The following ARRDC1 variants were observed in gnomAD, a reference collection of about 807,000 sequenced individuals.
ARRDC1 encodes arrestin domain containing 1, also known as arrestin domain-containing protein 1.
Under a neutral mutation model 40.1 loss-of-function variants are expected in ARRDC1, and 37 were observed. The observed-to-expected ratio is 0.92, with a 90% CI of 0.71 to 1.21. The LOEUF is 1.21. Ranked by LOEUF, ARRDC1 falls within the 50% of genes most tolerant of loss-of-function variation. The pLI is 0.00. For synonymous variants in ARRDC1, 310 were observed against 262.5 expected, an observed-to-expected ratio of 1.18 and a Z score of -1.75; for missense variants, 641 against 581.9, an observed-to-expected ratio of 1.10 and a Z score of -1.04.
chr9:137,606,666 G>A (rs1842428760), intron 1 of ARRDC1, among the ~76,000 whole-genome samples: 1 of 152,250 alleles, frequency 6.6e-6, no homozygotes, highest in Non-Finnish European at 1.5e-5. Context: ...GTGGGGCCTC[G>A]GAAGAAGCCG....
chr9:137,614,219 G>C lies in ARRDC1; in HGVS notation c.618+5G>C, dbSNP rs768400355. On this transcript the variant is annotated splice_donor_5th_base_variant and intron_variant, in intron 5 of 7. Transcript: ENST00000371421. Reference sequence around the variant, plus strand: ...GTGGTGGCCAGTCTGCTGCAGGTCAGAGCCCCCGCCAGTTGCCTGGACCGG... The same window carrying C: ...GTGGTGGCCAGTCTGCTGCAGGTCACAGCCCCCGCCAGTTGCCTGGACCGG... The C allele has an allele frequency of 1.1e-5, 17 of 1,587,142 alleles. No individual in the cohort carries two copies. In the African/African-American group the frequency reaches 2.0e-4, roughly 19 times the overall value.
chr9:137,611,586 CAAA>C (rs34396298), intron 1 of ARRDC1: 2 of 112,430 alleles, frequency 1.8e-5, no homozygotes, highest in East Asian at 2.3e-4. Context: ...ACAACAACAA[CAAA>C]AAAACAAAAA....
At position 137,613,476 on chromosome 9, in the gene ARRDC1, A is replaced by T; in HGVS notation, c.246A>T (p.Gly82=). The T allele has an allele frequency of 6.2e-7, 1 of 1,612,718 alleles. No homozygotes were observed. Among genetic ancestry groups the T allele is most frequent in the Non-Finnish European group, 8.5e-7 (1 of 1,179,844 alleles). Residue 82 remains glycine (G), a synonymous_variant, in exon 3 of 8, where the codon GGA becomes GGT. Transcript: ENST00000371421. ...TCTCTGCAGGGAGCCTGCCCGCTGG[A>T]GAGCACAGCTTCCCCTTCCAGTTCC... ...SLADKGSLPA[G]EHSFPFQFLL...
At chr9:137,607,654 G>A (rs1319490159) in intron 1 of ARRDC1, among the ~76,000 whole-genome samples, 1 of 152,242 alleles carries the variant, frequency 6.6e-6, no homozygotes, top group East Asian at 1.9e-4. Context: ...TTAACCCTCA[G>A]CGCCCTGGCA....
chr9:137,613,838 G>C, intron 4 of ARRDC1, 69 bp downstream of exon 4: 2 of 1,588,656 alleles, frequency 1.3e-6, no homozygotes. Context: ...AGCTGGGCAG[G>C]CACTGCTTCA....
Position 137,614,788 on chromosome 9 carries a change from G to A in ARRDC1, c.1025G>A (p.Arg342Gln), listed in dbSNP as rs144868252. The A allele has an allele frequency of 4.3e-5, 70 of 1,612,258 alleles. No individual in the cohort carries two copies. In the African/African-American group the frequency reaches 6.3e-4, roughly 14 times the overall value. Residue 342 changes from arginine to glutamine, a missense_variant, in exon 7 of 8, where the codon CGG (arginine) becomes CAG (glutamine). Transcript: ENST00000371421. ...CTCTCCACCAAGAGCCATTCGCAGC[G>A]GCAGCCCCTGCTGGCCACCTTGAGT... The part of the protein sequence containing the change: ...VFLSTKSHSQ[R>Q]QPLLATLSSV...
Position 137,614,578 on chromosome 9 carries a change from A to G in ARRDC1, c.815A>G (p.Glu272Gly), listed in dbSNP as rs149386931. The G allele has an allele frequency of 3.1e-6, 5 of 1,612,868 alleles. No individual in the cohort carries two copies. The African/African-American group carries it at 4.0e-5, about 13-fold the overall frequency. Residue 272 changes from glutamate (E) to glycine (G), a missense_variant, in exon 7 of 8, where the codon GAA (glutamate) becomes GGA (glycine). Coordinates refer to ENST00000371421, the MANE Select transcript of ARRDC1 (RefSeq NM_152285.4). ...GTCCAGGTCTCTCTGAAGGCGCCGG[A>G]AGCTACTGTGACCCTCCCGGTCTTC... The part of the protein sequence containing the change: ...YYLQVSLKAP[E>G]ATVTLPVFIG...
In ARRDC1 at chr9:137,614,027, C is replaced by G. The variant is rs145443838; in HGVS notation, c.436-5C>G. On this transcript the variant is annotated splice_region_variant and splice_polypyrimidine_tract_variant and intron_variant, in intron 4 of 7. Transcript: ENST00000371421. ...GCTAAGCCCCTCCCTGGCCCTCCCC[C>G]CAAGCAACCCAACGTGGCCTCTGCC... 2 of 1,613,406 alleles carry G rather than the reference C, an allele frequency of 1.2e-6. No homozygotes were observed. The highest frequency in any genetic ancestry group is 1.3e-5 in the African/African-American group (1 of 74,922).
At chr9:137,613,267 C>T (rs1564502125) in intron 2 of ARRDC1, 193 bp from the exon 3 acceptor site, 4 of 766,556 alleles carry the variant, frequency 5.2e-6, no homozygotes, top group East Asian at 2.7e-5. Flanking sequence ...AAACCACTCT[C>T]CTGTTCAAGC....
At chr9:137,606,001 G>T (rs904075052) in intron 1 of ARRDC1, among the ~76,000 whole-genome samples, 166 bp downstream of exon 1, 9 of 151,670 alleles carry the variant, frequency 5.9e-5, no homozygotes, top group African/African-American at 2.2e-4. Flanking sequence ...GGTCCGGGCG[G>T]CGCCGCCCTT....
rs1275584326 is a variant in ARRDC1, at chr9:137,614,252, G to C, written c.618+38G>C. The C allele has an allele frequency of 4.4e-6, 7 of 1,577,824 alleles. No individual in the cohort carries two copies. In the Admixed American group the frequency reaches 1.2e-4, roughly 27 times the overall value. Reference sequence around the variant, plus strand: ...GCCAGTTGCCTGGACCGGCCTCCTGGGGTGGGCTGGCAGCCTGCGCAGGCT... The same window carrying C: ...GCCAGTTGCCTGGACCGGCCTCCTGCGGTGGGCTGGCAGCCTGCGCAGGCT... On this transcript the variant is annotated intron_variant, in intron 5 of 7. Transcript: ENST00000371421.
Position 137,614,281 on chromosome 9 carries a change from A to T in ARRDC1, c.619-18A>T. On this transcript the variant is annotated intron_variant, in intron 5 of 7. Coordinates refer to ENST00000371421, the MANE Select transcript of ARRDC1 (RefSeq NM_152285.4). ...GGGCTGGCAGCCTGCGCAGGCTCAC[A>T]GGCTGGTCCTTCCCCAGAAAGTGTC... 6.3e-7 allele frequency: 1 copy of T among 1,581,670 alleles called. No individual in the cohort carries two copies. The highest frequency in any genetic ancestry group is 1.2e-5 in the South Asian group (1 of 85,986).
Position 137,615,272 on chromosome 9 carries a change from GC to G in ARRDC1, c.*137del, listed in dbSNP as rs949965454. 17 of 852,634 alleles carry G rather than the reference GC, an allele frequency of 2.0e-5. No individual in the cohort carries two copies. The Admixed American group carries it at 4.9e-4, about 25-fold the overall frequency. 52.8% of individuals were successfully genotyped at this position (852,634 alleles called of 1,614,324 possible). On this transcript the variant is annotated 3_prime_UTR_variant, in exon 8 of 8. Coordinates refer to ENST00000371421, the MANE Select transcript of ARRDC1 (RefSeq NM_152285.4). ...GCCTCTGCCAGCTCCTCTGGCATCC[GC>G]CCTCTTCTCCCTGGGGCTGGGGTGG...
chr9:137,609,253 A>ATT (rs1331654296), intron 1 of ARRDC1, among the ~76,000 whole-genome samples: 2 of 151,974 alleles, frequency 1.3e-5, no homozygotes. Flanking sequence ...TTATTTATTT[A>ATT]TTTACGTTGC....
Position 137,613,445 on chromosome 9 carries a change from C to T in ARRDC1, c.230-15C>T, listed in dbSNP as rs1278815203. 18 of 1,609,582 alleles carry T rather than the reference C, an allele frequency of 1.1e-5. No homozygotes were observed. The highest frequency in any genetic ancestry group is 1.4e-5 in the Non-Finnish European group (17 of 1,179,402). On this transcript the variant is annotated splice_polypyrimidine_tract_variant and intron_variant, in intron 2 of 7. Coordinates refer to ENST00000371421, the MANE Select transcript of ARRDC1 (RefSeq NM_152285.4). ...CAGGGGGGGACTGCCCCCCACCTCC[C>T]TCCTGTCTCTGCAGGGAGCCTGCCC... is the stretch of plus-strand genomic sequence containing the variant.
At chr9:137,607,118 A>C (rs1157200255) in intron 1 of ARRDC1, among the ~76,000 whole-genome samples, 2 of 152,186 alleles carry the variant, frequency 1.3e-5, no homozygotes, top group Non-Finnish European at 1.5e-5. Context: ...GGTCTGAATG[A>C]GGGAGAAAAA....
chr9:137,609,824 CTG>C (rs1471665519), intron 1 of ARRDC1, among the ~76,000 whole-genome samples: 1 of 152,210 alleles, frequency 6.6e-6, no homozygotes, highest in Non-Finnish European at 1.5e-5. Context: ...CTGCGCCCAG[CTG>C]TGTCGAGACA....
At position 137,614,424 on chromosome 9, in the gene ARRDC1, CCA is replaced by C. The variant is rs1282866638; in HGVS notation, c.745_746del (p.Gln249ValfsTer69). ...HEQILVPALPQSALPGCSLIH... is the reference protein window; with the variant it reads ...HEQILVPALPXSALPGCSLIH... ...AGCAGATCCTGGTGCCTGCCTTGCC[CCA>C]GTCGGCCCTGCCGGGCTGCAGCCTC... is the stretch of plus-strand genomic sequence containing the variant. On this transcript the variant is annotated frameshift_variant, in exon 6 of 8. Transcript: ENST00000371421. LOFTEE classifies it high-confidence loss of function. 2 of 1,613,176 alleles carry C rather than the reference CCA, an allele frequency of 1.2e-6. No homozygotes were observed. Among genetic ancestry groups the C allele is most frequent in the Non-Finnish European group, 1.7e-6 (2 of 1,179,950 alleles).
chr9:137,615,219 C>T lies in ARRDC1; in HGVS notation c.*81C>T. ...AGGGCCTCGTGCCTTCTCTCTTGGCCTAGCCTGGCCCACTCAGGACCTGCC... is the reference window on the plus strand; with the variant it reads ...AGGGCCTCGTGCCTTCTCTCTTGGCTTAGCCTGGCCCACTCAGGACCTGCC... On this transcript the variant is annotated 3_prime_UTR_variant, in exon 8 of 8. Transcript: ENST00000371421. 7.6e-7 allele frequency: 1 copy of T among 1,318,264 alleles called. No individual in the cohort carries two copies. The highest frequency in any genetic ancestry group is 1.0e-6 in the Non-Finnish European group (1 of 992,514). 81.7% of individuals were successfully genotyped at this position (1,318,264 alleles called of 1,614,324 possible). A position where few individuals can be genotyped will look rare whatever the true frequency, so the allele number is the denominator to read the frequency against.
Sources: gnomAD v4.1 joint callset for allele counts (sites outside exome capture counted in the v4.1 genomes callset) on GRCh38, gnomAD v4.1.1 for gene constraint, MANE v1.5 for transcripts, NCBI Gene and HGNC (gene_info 2026-07-23, HGNC 2026-07-21) for gene names.